COG5: variants seen among roughly 807,000 people sequenced by gnomAD.
The protein encoded by COG5 is component of oligomeric golgi complex 5, also known as conserved oligomeric Golgi complex subunit 5.
COG5 carries 86 observed loss-of-function variants against 110.4 expected under a neutral mutation model. The ratio of observed to expected loss-of-function variants is 0.78; its 90% CI spans 0.65 to 0.93. COG5 has a LOEUF of 0.93. COG5 is among the 40% of genes least tolerant of loss of function. COG5 has a pLI of 0.00. For synonymous variants in COG5, 360 were observed against 334.6 expected (o/e 1.08, Z -0.83); for missense variants, 1,077 against 987.0 (o/e 1.09, Z -1.22).
chr7:107,478,084 G>T (rs1273586471), intron 6 of COG5, among the ~76,000 whole-genome samples: 3 of 151,726 alleles, frequency 2.0e-5, no homozygotes, highest in Non-Finnish European at 3.0e-5. Flanking sequence ...TAGTTAATTG[G>T]GTCAGTTCTT....
intron 11 of COG5, among the ~76,000 whole-genome samples, chr7:107,312,006 T>C (rs1808315235): frequency 6.6e-6 from 1 of 152,162 alleles, no homozygotes; most frequent in Non-Finnish European, 1.5e-5. Flanking sequence ...TACCCTGACA[T>C]ACAGAGTAAA....
intron 7 of COG5, among the ~76,000 whole-genome samples, chr7:107,397,593 G>A (rs1791108423): frequency 6.6e-6 from 1 of 152,154 alleles, no homozygotes; most frequent in African/African-American, 2.4e-5. Context: ...TACCTTTGGT[G>A]GTGACTACTG....
rs555370951 is a variant in COG5 at position 107,281,935 on chromosome 7, G to A, written c.1476-536C>T. Among the ~76,000 whole-genome samples the A allele has an allele frequency of 1.9e-3, 288 of 151,186 alleles. 2 individuals carry two copies. Among genetic ancestry groups the A allele is most frequent in the Non-Finnish European group, 2.4e-3 (163 of 67,890 alleles). ...CTATAATTACAAATTTTTAAAATTCGGATTCTTAAAGTATATTTTTGTCAT... is the reference window on the plus strand; with the variant it reads ...CTATAATTACAAATTTTTAAAATTCAGATTCTTAAAGTATATTTTTGTCAT... On this transcript the variant is annotated intron_variant, in intron 13 of 21. Transcript: ENST00000297135.
chr7:107,245,850 C>T (rs12540475), intron 17 of COG5, among the ~76,000 whole-genome samples: 24,608 of 152,002 alleles, frequency 0.16, 2,369 homozygotes, highest in Non-Finnish European at 0.22. Context: ...CTTCACAGAA[C>T]GAAAAACAAA....
intron 6 of COG5, among the ~76,000 whole-genome samples, chr7:107,504,649 T>A (rs993527858): frequency 6.6e-6 from 1 of 151,522 alleles, no homozygotes; most frequent in Non-Finnish European, 1.5e-5. Context: ...TTGTTGGCAA[T>A]TTTTTTTATT....
At chr7:107,504,312 A>G (rs1459110989) in intron 6 of COG5, among the ~76,000 whole-genome samples, 1 of 152,086 alleles carries the variant, frequency 6.6e-6, no homozygotes, top group Non-Finnish European at 1.5e-5. Context: ...ATTGATTTGC[A>G]TATGTTAAAT....
chr7:107,506,166 G>A (rs1024204304), intron 6 of COG5, among the ~76,000 whole-genome samples: 10 of 152,208 alleles, frequency 6.6e-5, no homozygotes, highest in Non-Finnish European at 1.2e-4. Context: ...TCCTTCCTGG[G>A]TGCAGTATTA....
chr7:107,508,333 G>C (rs1799196938), intron 6 of COG5, among the ~76,000 whole-genome samples: 1 of 152,232 alleles, frequency 6.6e-6, no homozygotes, highest in South Asian at 2.1e-4. Context: ...GGCTGGGGGA[G>C]GGGCGCCTGC....
chr7:107,398,612 T>C (rs1791186543), intron 7 of COG5, among the ~76,000 whole-genome samples: 1 of 152,126 alleles, frequency 6.6e-6, no homozygotes, highest in Non-Finnish European at 1.5e-5. Flanking sequence ...ATGAAACCAG[T>C]CCCTGGTGTC....
At position 107,403,647 on chromosome 7, in the gene COG5, C is replaced by T. The variant is rs541182749; in HGVS notation, c.669+8855G>A. ...AAAGGATAAGCAGCTCTCTCAGGCT[C>T]TGAGTAAAATGAGGGGTAGAAGGAG... On this transcript the variant is annotated intron_variant, in intron 7 of 21. Coordinates refer to ENST00000297135, the MANE Select transcript of COG5 (RefSeq NM_006348.5). Among the ~76,000 whole-genome samples the T allele has an allele frequency of 2.6e-5, 4 of 151,924 alleles. No homozygotes were observed. The East Asian group carries it at 5.8e-4, about 22-fold the overall frequency.
intron 6 of COG5, among the ~76,000 whole-genome samples, chr7:107,423,747 A>G (rs1482198823): frequency 2.0e-5 from 3 of 152,130 alleles, no homozygotes; most frequent in Non-Finnish European, 2.9e-5. Context: ...ATCTTGCAAC[A>G]TATGAAAAGA....
intron 6 of COG5, among the ~76,000 whole-genome samples, chr7:107,470,795 T>C (rs888251703): frequency 3.9e-5 from 6 of 152,134 alleles, no homozygotes; most frequent in Non-Finnish European, 7.4e-5. Context: ...TGTTACTTAT[T>C]ACTTAATTTT....
At chr7:107,413,324 T>C (rs947856776) in intron 6 of COG5, among the ~76,000 whole-genome samples, 6 of 152,032 alleles carry the variant, frequency 3.9e-5, no homozygotes, top group African/African-American at 1.4e-4. Context: ...GCCTTCATCA[T>C]ATTATATAAC....
chr7:107,370,352 TG>T (rs1392788486), intron 8 of COG5, among the ~76,000 whole-genome samples: 6 of 152,194 alleles, frequency 3.9e-5, no homozygotes, highest in Non-Finnish European at 2.9e-5. Flanking sequence ...CTGAACCACC[TG>T]GAAGTTACTG....
chr7:107,534,029 A>G (rs764186354), intron 5 of COG5, among the ~76,000 whole-genome samples: 24 of 151,678 alleles, frequency 1.6e-4, no homozygotes, highest in Non-Finnish European at 2.6e-4. Flanking sequence ...CTTAAAGAAA[A>G]GAATTTTCAA....
At chr7:107,226,105 T>C (rs149209520) in intron 19 of COG5, among the ~76,000 whole-genome samples, 1 of 152,288 alleles carries the variant, frequency 6.6e-6, no homozygotes, top group East Asian at 1.9e-4. Flanking sequence ...CTTAGTCACC[T>C]GTTTTACCTA....
chr7:107,433,164 C>A (rs745952167), intron 6 of COG5, among the ~76,000 whole-genome samples: 3 of 152,042 alleles, frequency 2.0e-5, no homozygotes, highest in Non-Finnish European at 2.9e-5. Context: ...CTGAACACTA[C>A]AAAGTATGGC....
rs190335084 is a variant in COG5 at position 107,230,467 on chromosome 7, T to C, written c.2168+148A>G. 134 of 723,440 alleles carry C rather than the reference T, an allele frequency of 1.9e-4. 1 individual carries two copies. Among genetic ancestry groups the C allele is most frequent in the Non-Finnish European group, 2.8e-4 (111 of 397,982 alleles). 44.8% of individuals were successfully genotyped at this position (723,440 alleles called of 1,614,324 possible). ...ATAAATATCTATATGGGTTTCTGAT[T>C]TGAATACTTTCTAAGATGAATCATG... On this transcript the variant is annotated intron_variant, in intron 19 of 21. Transcript: ENST00000297135.
intron 6 of COG5, among the ~76,000 whole-genome samples, chr7:107,505,479 G>T (rs117672425): frequency 6.6e-6 from 1 of 152,166 alleles, no homozygotes; most frequent in Non-Finnish European, 1.5e-5. Flanking sequence ...TCCTCCTGTG[G>T]GGATGCAGTC....
Sources: allele counts gnomAD v4.1 joint callset (sites outside exome capture counted in the v4.1 genomes callset), GRCh38; gene constraint gnomAD v4.1.1; transcripts MANE v1.5; gene names NCBI Gene and HGNC (gene_info 2026-07-23, HGNC 2026-07-21).